Variants in ITGA1 observed in about 807,000 individuals in gnomAD.
The protein encoded by ITGA1 is integrin subunit alpha 1, also known as integrin alpha-1.
ITGA1 carries 85 observed loss-of-function variants against 145.9 expected under a neutral mutation model. That is an observed-to-expected ratio of 0.58 (90% confidence interval 0.49 to 0.70). The LOEUF is 0.70. ITGA1 is among the 30% of genes least tolerant of loss of function. The pLI, the probability that ITGA1 is intolerant of heterozygous loss-of-function variation, is 0.00. For synonymous variants in ITGA1, 520 were observed against 495.3 expected (o/e 1.05, Z -0.66); for missense variants, 1,351 against 1,418.7 (o/e 0.95, Z 0.77).
chr5:52,803,369 A>G (rs1379909411), intron 1 of ITGA1: 2 of 152,220 alleles, frequency 1.3e-5, no homozygotes, highest in South Asian at 2.1e-4. Context: ...AAATAATTTA[A>G]TAAGAATATA....
At chr5:52,879,303 T>C (rs934056069) in intron 6 of ITGA1, among the ~76,000 whole-genome samples, 2 of 151,962 alleles carry the variant, frequency 1.3e-5, no homozygotes, top group African/African-American at 4.8e-5. Context: ...TTCTTTAGCC[T>C]CTTAATCAAA....
At chr5:52,927,821 T>C (rs894194493) in intron 20 of ITGA1, among the ~76,000 whole-genome samples, 157 bp downstream of exon 20, 2 of 152,212 alleles carry the variant, frequency 1.3e-5, no homozygotes, top group Non-Finnish European at 2.9e-5. Flanking sequence ...ATGGTCAGAA[T>C]GTTTGTGCCC....
At chr5:52,796,834 T>C (rs780056165) in intron 1 of ITGA1, among the ~76,000 whole-genome samples, 1 of 152,052 alleles carries the variant, frequency 6.6e-6, no homozygotes, top group Non-Finnish European at 1.5e-5. Flanking sequence ...GAGATAACAT[T>C]TAAGCTGGAC....
chr5:52,801,047 G>A, intron 1 of ITGA1: 1 of 1,613,920 alleles, frequency 6.2e-7, no homozygotes, highest in Non-Finnish European at 8.5e-7. Flanking sequence ...GAGCAGTTCT[G>A]CGACTACCTG....
At chr5:52,928,207 A>G (rs1006075331) in intron 20 of ITGA1, among the ~76,000 whole-genome samples, 8 of 152,244 alleles carry the variant, frequency 5.3e-5, no homozygotes, top group Non-Finnish European at 8.8e-5. Context: ...AAACTCGAAC[A>G]CCAAGACAAG....
intron 9 of ITGA1, among the ~76,000 whole-genome samples, chr5:52,896,236 G>A (rs1203959743): frequency 2.0e-5 from 3 of 152,164 alleles, no homozygotes; most frequent in South Asian, 2.1e-4. Flanking sequence ...ATCACATAGC[G>A]TCCTTCTGTC....
At chr5:52,811,673 G>A (rs7706343) in intron 1 of ITGA1, among the ~76,000 whole-genome samples, 40,145 of 151,854 alleles carry the variant, frequency 0.26, 5,578 homozygotes, top group Non-Finnish European at 0.3. Context: ...CTGTAAATAC[G>A]TGCATGAAAA....
intron 7 of ITGA1, among the ~76,000 whole-genome samples, chr5:52,887,589 T>A (rs556477982): frequency 6.6e-6 from 1 of 152,260 alleles, no homozygotes; most frequent in African/African-American, 2.4e-5. Context: ...ATATATAGGA[T>A]GTGTGGTGAT....
At chr5:52,920,127 C>CTAT (rs1312095165) in intron 16 of ITGA1, among the ~76,000 whole-genome samples, 1 of 152,132 alleles carries the variant, frequency 6.6e-6, no homozygotes, top group Non-Finnish European at 1.5e-5. Context: ...ACAGTGAACT[C>CTAT]AGAGACCAGT....
At chr5:52,941,788 C>T (rs1751057430) in intron 26 of ITGA1, among the ~76,000 whole-genome samples, 1 of 152,042 alleles carries the variant, frequency 6.6e-6, no homozygotes, top group Non-Finnish European at 1.5e-5. Flanking sequence ...TAATTAGATC[C>T]CACTTGTCAA....
intron 28 of ITGA1, among the ~76,000 whole-genome samples, 198 bp downstream of exon 28, chr5:52,947,659 GA>G (rs970923946): frequency 4.0e-5 from 6 of 151,596 alleles, no homozygotes; most frequent in African/African-American, 9.7e-5. Flanking sequence ...TTTTGTAAAG[GA>G]AAAAAAACTT....
At chr5:52,860,664 A>T (rs918098579) in intron 2 of ITGA1, among the ~76,000 whole-genome samples, 14 of 152,274 alleles carry the variant, frequency 9.2e-5, no homozygotes, top group Non-Finnish European at 5.9e-5. Flanking sequence ...GAGTTTTTGG[A>T]TATGGCTACT....
In ITGA1 at chr5:52,788,087, G is replaced by T; in HGVS notation, c.-267G>T. ...TGTCTCGGACAGAGCCTGGGAAGCT[G>T]CCAGTGAGATTTCAGAGACCAAGAG... On this transcript the variant is annotated 5_prime_UTR_variant, in exon 1 of 29. Transcript: ENST00000282588. 2.4e-6 allele frequency: 1 copy of T among 408,318 alleles called. No individual in the cohort carries two copies. The highest frequency in any genetic ancestry group is 4.4e-6 in the Non-Finnish European group (1 of 228,902). 25.3% of individuals were successfully genotyped at this position (408,318 alleles called of 1,614,324 possible). A position where few individuals can be genotyped will look rare whatever the true frequency, so the allele number is the denominator to read the frequency against.
intron 6 of ITGA1, among the ~76,000 whole-genome samples, chr5:52,866,076 G>A (rs2111778525): frequency 6.6e-6 from 1 of 151,846 alleles, no homozygotes; most frequent in South Asian, 2.1e-4. Context: ...GTGCAGTGGT[G>A]CAATCTCAGC....
At position 52,887,271 on chromosome 5, in the gene ITGA1, C is replaced by A. The variant is rs575136312; in HGVS notation, c.774-544C>A. ...TGTGAAAGACTGCAGATGTCCCTAT[C>A]CCCAGGACACTCTCAAGCACTCACA... On this transcript the variant is annotated intron_variant, in intron 7 of 28. Coordinates refer to ENST00000282588, the MANE Select transcript of ITGA1 (RefSeq NM_181501.2). Among the ~76,000 whole-genome samples the A allele has an allele frequency of 6.6e-5, 10 of 152,266 alleles. No individual in the cohort carries two copies. In the East Asian group the frequency reaches 7.8e-4, roughly 12 times the overall value.
At chr5:52,803,717 A>G (rs1329316833) in intron 1 of ITGA1, 1 of 152,186 alleles carries the variant, frequency 6.6e-6, no homozygotes, top group Non-Finnish European at 1.5e-5. Context: ...ATTCAAAAGT[A>G]TGGTCCGTAA....
intron 13 of ITGA1, among the ~76,000 whole-genome samples, chr5:52,909,765 T>C (rs1443563819): frequency 6.7e-6 from 1 of 150,322 alleles, no homozygotes; most frequent in African/African-American, 2.5e-5. Context: ...ACTTTCTGTC[T>C]GGGTTTTTTT....
At position 52,937,491 on chromosome 5, in the gene ITGA1, C is replaced by G. The variant is rs767015846; in HGVS notation, c.3055C>G (p.Pro1019Ala). 3 of 1,608,936 alleles carry G rather than the reference C, an allele frequency of 1.9e-6. No homozygotes were observed. Among genetic ancestry groups the G allele is most frequent in the Non-Finnish European group, 2.6e-6 (3 of 1,175,448 alleles). The change falls in exon 24 of 29, where the codon CCA becomes GCA. Residue 1019 changes from proline (P) to alanine (A), a missense_variant. Coordinates refer to ENST00000282588, the MANE Select transcript of ITGA1 (RefSeq NM_181501.2). Reference protein sequence around the residue: ...MTSNGYPVLYPTGLSSSENAN... With the variant: ...MTSNGYPVLYATGLSSSENAN... The stretch of plus-strand genomic sequence containing the variant: ...ATCAAATGGTTACCCTGTGCTGTAC[C>G]CAACTGGATTGTCATCTTCTGAGGT...
In ITGA1 at chr5:52,955,029, T is replaced by A. The variant is rs1751282396; in HGVS notation, c.*2578T>A. 1 of 152,194 alleles carries A rather than the reference T, an allele frequency of 6.6e-6. No homozygotes were observed. Among genetic ancestry groups the A allele is most frequent in the African/African-American group, 2.4e-5 (1 of 41,452 alleles). 9.4% of individuals were successfully genotyped at this position (152,194 alleles called of 1,614,324 possible). ...GGCCAAATTGCCAAAAAGTTTCTTT[T>A]TCTCTAACTTTGGTATTCTAAATAA... On this transcript the variant is annotated 3_prime_UTR_variant, in exon 29 of 29. Transcript: ENST00000282588.
Sources: allele counts gnomAD v4.1 joint callset (sites outside exome capture counted in the v4.1 genomes callset), GRCh38; gene constraint gnomAD v4.1.1; transcripts MANE v1.5; gene names NCBI Gene and HGNC (gene_info 2026-07-23, HGNC 2026-07-21).